BRINP2: variants seen among roughly 807,000 people sequenced by gnomAD.
BRINP2 encodes BMP/retinoic acid-inducible neural-specific protein 2.
A neutral mutation model predicts 69.2 loss-of-function variants in BRINP2; 21 were observed. The observed-to-expected ratio is 0.30, with a 90% CI of 0.22 to 0.44. BRINP2 has a LOEUF of 0.44. Among genes scored for constraint, BRINP2 ranks in the 20% least tolerant of loss-of-function variants. The pLI is 1.00. For missense variants in BRINP2, 877 were observed against 986.0 expected, an observed-to-expected ratio of 0.89 and a Z score of 1.48; for synonymous variants, 380 against 394.1, an observed-to-expected ratio of 0.96 and a Z score of 0.42.
At position 177,229,824 on chromosome 1, in the gene BRINP2, C is replaced by G. The variant is rs528623536; in HGVS notation, c.-53C>G. On this transcript the variant is annotated 5_prime_UTR_variant, in exon 2 of 8. Coordinates refer to ENST00000361539, the MANE Select transcript of BRINP2 (RefSeq NM_021165.4). ...AGCTCCGAGCCCTGGAGGAGCAGCA[C>G]GGAGCGGGAGAGCGTGGCGAGAGAA... The G allele has an allele frequency of 1.3e-6, 2 of 1,524,888 alleles. No homozygotes were observed. 94.5% of individuals were successfully genotyped at this position (1,524,888 alleles called of 1,614,324 possible). A position where few individuals can be genotyped will look rare whatever the true frequency, so the allele number is the denominator to read the frequency against.
chr1:177,174,724 T>C (rs1005029374), intron 1 of BRINP2, among the ~76,000 whole-genome samples: 1 of 152,212 alleles, frequency 6.6e-6, no homozygotes, highest in African/African-American at 2.4e-5. Flanking sequence ...CCTTGGGGTT[T>C]ACCCTGGGCT....
At position 177,229,825 on chromosome 1, in the gene BRINP2, G is replaced by A. The variant is rs548466314; in HGVS notation, c.-52G>A. The A allele has an allele frequency of 6.8e-5, 104 of 1,525,684 alleles. No homozygotes were observed. Among genetic ancestry groups the A allele is most frequent in the African/African-American group, 6.2e-4 (45 of 72,806 alleles). The allele number at this position is 1,525,684 out of a possible 1,614,324, so 94.5% of individuals were successfully genotyped here. A position where few individuals can be genotyped will look rare whatever the true frequency, so the allele number is the denominator to read the frequency against. On this transcript the variant is annotated 5_prime_UTR_variant, in exon 2 of 8. Transcript: ENST00000361539. ...GCTCCGAGCCCTGGAGGAGCAGCAC[G>A]GAGCGGGAGAGCGTGGCGAGAGAAT...
chr1:177,229,426 A>G (rs946303671), intron 1 of BRINP2, among the ~76,000 whole-genome samples: 1 of 152,216 alleles, frequency 6.6e-6, no homozygotes, highest in Non-Finnish European at 1.5e-5. Context: ...AGAGGAAGAC[A>G]GAAATGGATG....
At chr1:177,220,665 T>C (rs114441206) in intron 1 of BRINP2, among the ~76,000 whole-genome samples, 51 of 152,290 alleles carry the variant, frequency 3.3e-4, no homozygotes, top group African/African-American at 1.2e-3. Flanking sequence ...AACGGCCTAA[T>C]GCAGGGTACA....
intron 1 of BRINP2, among the ~76,000 whole-genome samples, chr1:177,219,263 A>C (rs1649458296): frequency 1.3e-5 from 2 of 152,138 alleles, no homozygotes; most frequent in South Asian, 4.1e-4. Flanking sequence ...AGCTTTATTG[A>C]TTGCACCCCG....
intron 4 of BRINP2, among the ~76,000 whole-genome samples, chr1:177,258,375 T>C (rs901352083): frequency 4.6e-5 from 7 of 152,242 alleles, no homozygotes; most frequent in African/African-American, 1.7e-4. Context: ...CAATAAGTAT[T>C]TACTGAGCAC....
At chr1:177,224,994 T>C (rs749036640) in intron 1 of BRINP2, among the ~76,000 whole-genome samples, 3 of 152,228 alleles carry the variant, frequency 2.0e-5, no homozygotes, top group African/African-American at 7.2e-5. Context: ...TGCCAAGATC[T>C]GGTACACCAG....
intron 2 of BRINP2, among the ~76,000 whole-genome samples, chr1:177,233,501 G>A (rs1319715301): frequency 6.6e-6 from 1 of 152,214 alleles, no homozygotes; most frequent in Non-Finnish European, 1.5e-5. Flanking sequence ...TATGCAGGAA[G>A]GATAATGAGA....
chr1:177,195,463 G>A (rs948537481), intron 1 of BRINP2, among the ~76,000 whole-genome samples: 5 of 150,698 alleles, frequency 3.3e-5, no homozygotes, highest in Non-Finnish European at 5.9e-5. Flanking sequence ...CGAGTCCAGC[G>A]CCCTGCCTTT....
chr1:177,204,190 G>A lies in BRINP2; in HGVS notation c.-76-25611G>A, dbSNP rs992820022. On this transcript the variant is annotated intron_variant, in intron 1 of 7. Coordinates refer to ENST00000361539, the MANE Select transcript of BRINP2 (RefSeq NM_021165.4). ...CTTCACTGTGATAGAAACCACTCGA[G>A]ATTATGAAGCTGGTTGGGTATATTG... 5.9e-5 allele frequency among the ~76,000 whole-genome samples: 9 copies of A among 152,260 alleles called. 1 individual carries two copies. The South Asian group carries it at 1.5e-3, about 25-fold the overall frequency.
Position 177,256,953 on chromosome 1 carries a change from G to A in BRINP2, c.461-223G>A, listed in dbSNP as rs1650782323. 3 of 1,426,564 alleles carry A rather than the reference G, an allele frequency of 2.1e-6. No individual in the cohort carries two copies. The South Asian group carries it at 4.2e-5, about 20-fold the overall frequency. The allele number at this position is 1,426,564 out of a possible 1,614,324, so 88.4% of individuals were successfully genotyped here. On this transcript the variant is annotated intron_variant, in intron 3 of 7. Transcript: ENST00000361539. ...TTAAACAGATAAGCTGAGGGCAGGG[G>A]GACTGAGCTTTGGAAGAGGGCCTTT...
chr1:177,226,981 C>T (rs1306829192), intron 1 of BRINP2, among the ~76,000 whole-genome samples: 1 of 152,210 alleles, frequency 6.6e-6, no homozygotes, highest in Non-Finnish European at 1.5e-5. Flanking sequence ...GGGTATTGCT[C>T]AAGGTTATTC....
At chr1:177,182,235 C>CAAGAT (rs1648281142) in intron 1 of BRINP2, among the ~76,000 whole-genome samples, 1 of 151,554 alleles carries the variant, frequency 6.6e-6, no homozygotes, top group Non-Finnish European at 1.5e-5. Context: ...AACTCCCCAC[C>CAAGAT]ACCTCCATCA....
intron 4 of BRINP2, among the ~76,000 whole-genome samples, chr1:177,267,535 G>C (rs537345934): frequency 5.1e-4 from 77 of 152,248 alleles, no homozygotes; most frequent in African/African-American, 1.8e-3. Context: ...CATGTCCTCG[G>C]TTCCTGATAT....
At chr1:177,237,507 C>A (rs906004190) in intron 2 of BRINP2, among the ~76,000 whole-genome samples, 2 of 152,248 alleles carry the variant, frequency 1.3e-5, no homozygotes, top group Non-Finnish European at 2.9e-5. Flanking sequence ...TCTTGCCACA[C>A]ATTTTCCCAT....
At chr1:177,208,791 A>C (rs962704396) in intron 1 of BRINP2, among the ~76,000 whole-genome samples, 1 of 152,220 alleles carries the variant, frequency 6.6e-6, no homozygotes, top group Non-Finnish European at 1.5e-5. Context: ...AATCCTTTGA[A>C]GGCACAAATA....
intron 2 of BRINP2, among the ~76,000 whole-genome samples, chr1:177,247,088 A>C (rs192076375): frequency 6.6e-6 from 1 of 152,322 alleles, no homozygotes; most frequent in East Asian, 1.9e-4. Context: ...CAAGATGAAA[A>C]ATGTGAGTCC....
At chr1:177,186,272 T>C (rs181734951) in intron 1 of BRINP2, among the ~76,000 whole-genome samples, 1 of 152,152 alleles carries the variant, frequency 6.6e-6, no homozygotes, top group Non-Finnish European at 1.5e-5. Flanking sequence ...AATTCCAATT[T>C]TGGCCTCTGG....
intron 3 of BRINP2, 40 bp from the exon 4 acceptor site, chr1:177,257,136 G>C (rs780537774): frequency 2.5e-6 from 4 of 1,609,146 alleles, no homozygotes; most frequent in Non-Finnish European, 3.4e-6. Context: ...GGATTCGAGA[G>C]CAGAGAGCGT....
Sources: allele counts gnomAD v4.1 joint callset (sites outside exome capture counted in the v4.1 genomes callset), GRCh38; gene constraint gnomAD v4.1.1; transcripts MANE v1.5; gene names NCBI Gene and HGNC (gene_info 2026-07-23, HGNC 2026-07-21).